PREX1: variants seen among roughly 807,000 people sequenced by gnomAD.
The protein encoded by PREX1 is phosphatidylinositol 3,4,5-trisphosphate-dependent Rac exchanger 1 protein.
Under a neutral mutation model 198.3 loss-of-function variants are expected in PREX1, and 41 were observed. That is an observed-to-expected ratio of 0.21 (90% CI 0.16 to 0.27). The LOEUF is 0.27. Ranked by LOEUF, PREX1 falls within the 10% of genes least tolerant of loss-of-function variation. PREX1 has a pLI of 1.00. For synonymous variants in PREX1, 843 were observed against 887.2 expected (o/e 0.95, Z 0.89); for missense variants, 1,620 against 2,200.7 (o/e 0.74, Z 5.28).
chr20:48,809,457 C>G (rs1338485373), intron 1 of PREX1, among the ~76,000 whole-genome samples: 1 of 152,220 alleles, frequency 6.6e-6, no homozygotes, highest in Non-Finnish European at 1.5e-5. Context: ...CTACATCCCT[C>G]ACCCAGGAGG....
At chr20:48,825,736 C>CATGG (rs2090505799) in intron 1 of PREX1, among the ~76,000 whole-genome samples, 1 of 151,766 alleles carries the variant, frequency 6.6e-6, no homozygotes. Context: ...AGCAGAGGAG[C>CATGG]ATGGAGTGGC....
intron 13 of PREX1, among the ~76,000 whole-genome samples, 174 bp from the exon 14 acceptor site, chr20:48,676,442 G>A (rs114870438): frequency 0.013 from 2,028 of 152,302 alleles, 52 homozygotes; most frequent in African/African-American, 0.044. Context: ...CAGTGTGACC[G>A]AGGGCAGGGC....
rs1282005629 is a variant in PREX1 at position 48,667,564 on chromosome 20, T to A, written c.1666-1209A>T. ...CCAGCCCTGGAACCACCTAGCTCCATGCTTCTTGATAGGTGGCATCTCTGT... is the reference window on the plus strand; with the variant it reads ...CCAGCCCTGGAACCACCTAGCTCCAAGCTTCTTGATAGGTGGCATCTCTGT... On this transcript the variant is annotated intron_variant, in intron 14 of 39. Coordinates refer to ENST00000371941, the MANE Select transcript of PREX1 (RefSeq NM_020820.4). Among the ~76,000 whole-genome samples the A allele has an allele frequency of 2.6e-5, 4 of 152,250 alleles. No homozygotes were observed. The East Asian group carries it at 5.8e-4, about 22-fold the overall frequency.
At chr20:48,661,312 G>T (rs185302942) in intron 15 of PREX1, among the ~76,000 whole-genome samples, 3 of 147,578 alleles carry the variant, frequency 2.0e-5, no homozygotes, top group African/African-American at 7.6e-5. Flanking sequence ...CCAGCTACTC[G>T]CAAGGCTGAG....
the PREX1 span, among the ~76,000 whole-genome samples, chr20:48,867,955 C>T: frequency 2.6e-5 from 4 of 151,628 alleles, no homozygotes; most frequent in African/African-American, 9.7e-5. Flanking sequence ...GTGATCCTAC[C>T]ACCTTGGCCT....
At chr20:48,636,423 G>C (rs1346088534) in intron 32 of PREX1, 40 bp downstream of exon 32, 3 of 1,550,986 alleles carry the variant, frequency 1.9e-6, no homozygotes, top group Non-Finnish European at 1.7e-6. Flanking sequence ...GGCACCAGTG[G>C]GTGGGCCAGC....
At chr20:48,667,910 A>G (rs1446777466) in intron 14 of PREX1, among the ~76,000 whole-genome samples, 1 of 152,152 alleles carries the variant, frequency 6.6e-6, no homozygotes, top group Admixed American at 6.5e-5. Flanking sequence ...GGACAAGGAA[A>G]AGCAGCGCTG....
chr20:48,659,263 C>A (rs7261146), intron 16 of PREX1, among the ~76,000 whole-genome samples: 1,468 of 83,612 alleles, frequency 0.018, 38 homozygotes, highest in African/African-American at 0.053. Flanking sequence ...GAAGGAAGGA[C>A]GGGCACGAGA....
At chr20:48,727,493 C>G (rs770445472) in intron 4 of PREX1, among the ~76,000 whole-genome samples, 1 of 152,108 alleles carries the variant, frequency 6.6e-6, no homozygotes, top group Non-Finnish European at 1.5e-5. Flanking sequence ...TATCATCCAT[C>G]GTAAACACTG....
At chr20:48,724,312 C>T (rs940902165) in intron 5 of PREX1, among the ~76,000 whole-genome samples, 1 of 152,224 alleles carries the variant, frequency 6.6e-6, no homozygotes, top group East Asian at 1.9e-4. Context: ...GCCTACCTTG[C>T]TGAGTTGCCG....
Position 48,653,344 on chromosome 20 carries a change from G to A in PREX1, c.2346+17C>T. 6.2e-7 allele frequency: 1 copy of A among 1,607,316 alleles called. No homozygotes were observed. The highest frequency in any genetic ancestry group is 8.5e-7 in the Non-Finnish European group (1 of 1,174,440). Reference sequence around the variant, plus strand: ...CAGCAGGACTTCTTTGACGGCCCCGGTTTCCAGTAAACTTACCAGGGCCTC... The same window carrying A: ...CAGCAGGACTTCTTTGACGGCCCCGATTTCCAGTAAACTTACCAGGGCCTC... On this transcript the variant is annotated intron_variant, in intron 20 of 39. Transcript: ENST00000371941.
At chr20:48,789,939 G>C (rs927023826) in intron 1 of PREX1, among the ~76,000 whole-genome samples, 1 of 152,052 alleles carries the variant, frequency 6.6e-6, no homozygotes, top group Non-Finnish European at 1.5e-5. Context: ...AAGTGAAGAA[G>C]GGGAGGAAAG....
intron 4 of PREX1, among the ~76,000 whole-genome samples, chr20:48,732,164 T>C (rs902919702): frequency 3.3e-5 from 5 of 152,244 alleles, no homozygotes; most frequent in African/African-American, 9.6e-5. Context: ...TGTGAAGATG[T>C]AGGTACCGGC....
intron 14 of PREX1, among the ~76,000 whole-genome samples, chr20:48,671,625 A>G (rs376543267): frequency 6.6e-6 from 1 of 152,200 alleles, no homozygotes; most frequent in African/African-American, 2.4e-5. Flanking sequence ...GCCCTACACA[A>G]TTATGTGTTC....
At chr20:48,742,887 C>G (rs1011827864) in intron 3 of PREX1, among the ~76,000 whole-genome samples, 8 of 152,158 alleles carry the variant, frequency 5.3e-5, no homozygotes, top group East Asian at 1.9e-4. Context: ...GACAGAGAAG[C>G]CAAAGGAATG....
At position 48,751,439 on chromosome 20, in the gene PREX1, G is replaced by C. The variant is rs142783073; in HGVS notation, c.220-3559C>G. 2.0e-4 allele frequency among the ~76,000 whole-genome samples: 30 copies of C among 152,260 alleles called. No individual in the cohort carries two copies. The East Asian group carries it at 5.6e-3, about 28-fold the overall frequency. On this transcript the variant is annotated intron_variant, in intron 1 of 39. Coordinates refer to ENST00000371941, the MANE Select transcript of PREX1 (RefSeq NM_020820.4). ...CGCTATTGTGCTGCAACAATGGGAG[G>C]CTCGGGCCACCCACTGAGGAACTGC...
chr20:48,632,272 G>C lies in PREX1; in HGVS notation c.4526+5C>G. 1 of 1,613,722 alleles carries C rather than the reference G, an allele frequency of 6.2e-7. No individual in the cohort carries two copies. Among genetic ancestry groups the C allele is most frequent in the Non-Finnish European group, 8.5e-7 (1 of 1,179,846 alleles). Reference sequence around the variant, plus strand: ...CTGCCCCCAACGGGGACCCCAGGCGGATACCTGAGTTTGCGGTAATACTGC... The same window carrying C: ...CTGCCCCCAACGGGGACCCCAGGCGCATACCTGAGTTTGCGGTAATACTGC... On this transcript the variant is annotated splice_donor_5th_base_variant and intron_variant, in intron 35 of 39. Transcript: ENST00000371941.
chr20:48,798,185 T>C (rs1360771223), intron 1 of PREX1, among the ~76,000 whole-genome samples: 1 of 152,154 alleles, frequency 6.6e-6, no homozygotes, highest in Non-Finnish European at 1.5e-5. Flanking sequence ...TTCCAGGTTG[T>C]ATGGGTCAAG....
chr20:48,814,526 G>C (rs8117502), intron 1 of PREX1, among the ~76,000 whole-genome samples: 4,257 of 152,302 alleles, frequency 0.028, 224 homozygotes, highest in African/African-American at 0.098. Flanking sequence ...AAAAGGCTTA[G>C]AGGCTGGAGC....
Sources: allele counts gnomAD v4.1 joint callset (sites outside exome capture counted in the v4.1 genomes callset), GRCh38; gene constraint gnomAD v4.1.1; transcripts MANE v1.5; gene names NCBI Gene and HGNC (gene_info 2026-07-23, HGNC 2026-07-21).